Variants in NDRG4 observed in about 807,000 individuals in gnomAD.
The protein encoded by NDRG4 is NDRG family member 4.
Under a neutral mutation model 55.8 loss-of-function variants are expected in NDRG4, and 38 were observed. The observed-to-expected ratio is 0.68, with a 90% CI of 0.53 to 0.89. The LOEUF is 0.89. Among genes scored for constraint, NDRG4 ranks in the 40% least tolerant of loss-of-function variants. The probability of loss-of-function intolerance (pLI) is 0.00; values close to 1 mark genes in which losing one functional copy is unlikely to be tolerated. For missense variants in NDRG4, 455 were observed against 468.6 expected (o/e 0.97, Z 0.27); for synonymous variants, 190 against 182.7 (o/e 1.04, Z -0.32).
rs1200455236 is a variant in NDRG4 at position 58,508,014 on chromosome 16, G to C, written c.729+15G>C. On this transcript the variant is annotated intron_variant, in intron 10 of 14. Transcript: ENST00000570248. Reference sequence around the variant, plus strand: ...AGGACGGGGTGGTAAGTGAGGGGCTGTGGGCTCACTGGGGGTGGGAGGTAG... The same window carrying C: ...AGGACGGGGTGGTAAGTGAGGGGCTCTGGGCTCACTGGGGGTGGGAGGTAG... 7 of 1,543,566 alleles carry C rather than the reference G, an allele frequency of 4.5e-6. No individual in the cohort carries two copies. The highest frequency in any genetic ancestry group is 6.1e-6 in the Non-Finnish European group (7 of 1,139,992).
intron 1 of NDRG4, among the ~76,000 whole-genome samples, chr16:58,503,370 C>G (rs1042474151): frequency 4.6e-5 from 7 of 152,168 alleles, no homozygotes; most frequent in Non-Finnish European, 8.8e-5. Context: ...TCTGAGGATT[C>G]CAGGCAGGAC....
At position 58,464,784 on chromosome 16, in the gene NDRG4, G is replaced by A; in HGVS notation, c.-24+987G>A. The A allele has an allele frequency of 7.8e-7, 1 of 1,282,034 alleles. No homozygotes were observed. Among genetic ancestry groups the A allele is most frequent in the East Asian group, 3.5e-5 (1 of 28,980 alleles). 79.4% of individuals were successfully genotyped at this position (1,282,034 alleles called of 1,614,324 possible). On this transcript the variant is annotated intron_variant, in intron 1 of 15. Coordinates refer to the NDRG4 transcript ENST00000258187. This position sits in a 1 kb window ranked among gnomAD's most constrained non-coding sequence, Gnocchi z 4.8. ...GGGCTCCTGCCCTCCAATCAGTGTCGCTTGTCCCCTAAGAAAGGACCCGTG... is the reference window on the plus strand; with the variant it reads ...GGGCTCCTGCCCTCCAATCAGTGTCACTTGTCCCCTAAGAAAGGACCCGTG...
chr16:58,505,176 A>T (rs61512806), intron 5 of NDRG4, among the ~76,000 whole-genome samples: 170 of 151,900 alleles, frequency 1.1e-3, no homozygotes, highest in Middle Eastern at 3.4e-3. Context: ...GGTGAAACCC[A>T]GTCTCTACTA....
intron 7 of NDRG4, 69 bp from the exon 8 acceptor site, chr16:58,506,843 C>T: frequency 6.9e-7 from 1 of 1,446,544 alleles, no homozygotes; most frequent in Non-Finnish European, 9.6e-7. Context: ...TGACATCTGC[C>T]AGCCCCCTCT....
rs531885551 is a variant in NDRG4 at position 58,484,787 on chromosome 16, T to C, written c.-23-2969T>C. Among the ~76,000 whole-genome samples the C allele has an allele frequency of 2.0e-5, 3 of 152,264 alleles. No homozygotes were observed. The East Asian group carries it at 5.8e-4, about 29-fold the overall frequency. On this transcript the variant is annotated intron_variant, in intron 1 of 15. Transcript: ENST00000258187. ...CCCTGGCGTTCGCCCACCTCTGTGCTACTTAACTCCTTGGAGACCTTAGCC... is the reference window on the plus strand; with the variant it reads ...CCCTGGCGTTCGCCCACCTCTGTGCCACTTAACTCCTTGGAGACCTTAGCC...
At chr16:58,503,081 G>C (rs933207827) in intron 1 of NDRG4, among the ~76,000 whole-genome samples, 2 of 152,250 alleles carry the variant, frequency 1.3e-5, no homozygotes, top group African/African-American at 4.8e-5. Context: ...TCAGTCACAA[G>C]TAAGGGGTAG....
intron 1 of NDRG4, among the ~76,000 whole-genome samples, chr16:58,484,272 A>G (rs1477551825): frequency 6.6e-6 from 1 of 151,674 alleles, no homozygotes; most frequent in Non-Finnish European, 1.5e-5. Context: ...ACTTGGGAGG[A>G]TGAAGCAGGA....
chr16:58,479,084 A>G (rs2034090267), intron 1 of NDRG4, among the ~76,000 whole-genome samples: 1 of 152,106 alleles, frequency 6.6e-6, no homozygotes, highest in South Asian at 2.1e-4. Context: ...GCTGGAGTGC[A>G]ATGGCGTGAT....
At chr16:58,488,444 T>TTCCC (rs577846050) in intron 2 of NDRG4, among the ~76,000 whole-genome samples, 1 of 152,138 alleles carries the variant, frequency 6.6e-6, no homozygotes, top group Non-Finnish European at 1.5e-5. Flanking sequence ...CACCTTCCCT[T>TTCCC]TCCCTCCCTC....
intron 1 of NDRG4, among the ~76,000 whole-genome samples, chr16:58,468,916 C>T (rs992892039): frequency 6.6e-6 from 1 of 152,140 alleles, no homozygotes; most frequent in African/African-American, 2.4e-5. Flanking sequence ...GTTGTTTCTG[C>T]GCATTGGCAC....
At position 58,504,293 on chromosome 16, in the gene NDRG4, C is replaced by G. The variant is rs1423562368; in HGVS notation, c.248+19C>G. 1 of 1,613,934 alleles carries G rather than the reference C, an allele frequency of 6.2e-7. No individual in the cohort carries two copies. The highest frequency in any genetic ancestry group is 8.5e-7 in the Non-Finnish European group (1 of 1,179,994). ...CTCAGGGGTAGGTACCCTGAGCCCCCTCTGCCTGTCTCCAGCTCTGCACCT... is the reference window on the plus strand; with the variant it reads ...CTCAGGGGTAGGTACCCTGAGCCCCGTCTGCCTGTCTCCAGCTCTGCACCT... On this transcript the variant is annotated intron_variant, in intron 3 of 14. Coordinates refer to ENST00000570248, the MANE Select transcript of NDRG4 (RefSeq NM_001242835.2).
downstream of NDRG4, among the ~76,000 whole-genome samples, chr16:58,513,942 A>G (rs1218296058): frequency 1.3e-5 from 2 of 152,172 alleles, no homozygotes; most frequent in Non-Finnish European, 2.9e-5. Context: ...TGGATGACAG[A>G]GCAAGACTCT....
At chr16:58,470,192 CAAA>C (rs761951138) in intron 1 of NDRG4, among the ~76,000 whole-genome samples, 1 of 151,820 alleles carries the variant, frequency 6.6e-6, no homozygotes, top group South Asian at 2.1e-4. Flanking sequence ...TTTTTAAAAA[CAAA>C]AAAATTCTCT....
chr16:58,507,126 G>A, intron 8 of NDRG4, 111 bp downstream of exon 8: 1 of 816,986 alleles, frequency 1.2e-6, no homozygotes, highest in African/African-American at 1.7e-5. Flanking sequence ...TTTGTAGATG[G>A]GCACGATATT....
In NDRG4 at chr16:58,509,500, C is replaced by G. The variant is rs561306442; in HGVS notation, c.865+148C>G. 5 of 798,314 alleles carry G rather than the reference C, an allele frequency of 6.3e-6. No homozygotes were observed. In the East Asian group the frequency reaches 8.0e-5, roughly 13 times the overall value. The allele number at this position is 798,314 out of a possible 1,614,324, so 49.5% of individuals were successfully genotyped here. On this transcript the variant is annotated intron_variant, in intron 13 of 14. Transcript: ENST00000570248. ...ATAGGAGTTTTGTGTGACCTGGGCC[C>G]CGGATGCTGGGCCCCACAGATGCCA...
Position 58,464,400 on chromosome 16 carries a change from C to CA in NDRG4, c.-24+604dup. 1 of 1,369,294 alleles carries CA rather than the reference C, an allele frequency of 7.3e-7. No homozygotes were observed. The highest frequency in any genetic ancestry group is 1.8e-5 in the South Asian group (1 of 56,950). The allele number at this position is 1,369,294 out of a possible 1,614,324, so 84.8% of individuals were successfully genotyped here. A position where few individuals can be genotyped will look rare whatever the true frequency, so the allele number is the denominator to read the frequency against. On this transcript the variant is annotated intron_variant, in intron 1 of 15. Coordinates refer to the NDRG4 transcript ENST00000258187. This position sits in a 1 kb window ranked among gnomAD's most constrained non-coding sequence, Gnocchi z 4.8. ...GCCGAGCGCGCTGCCCCGACGCCGC[C>CA]ACCCAGAGCCGGGCCGCGCCGGGCG...
chr16:58,494,822 A>T, intron 2 of NDRG4: 1 of 622,350 alleles, frequency 1.6e-6, no homozygotes, highest in Non-Finnish European at 2.7e-6. Context: ...ATAGAGTGAG[A>T]CCCTGTCTCT....
intron 1 of NDRG4, chr16:58,501,211 C>T: frequency 2.1e-6 from 1 of 469,404 alleles, no homozygotes; most frequent in Admixed American, 4.4e-5. Flanking sequence ...ACGACGTCAG[C>T]ACCTGCCCGC....
intron 1 of NDRG4, among the ~76,000 whole-genome samples, chr16:58,469,837 A>G (rs1411738167): frequency 1.3e-5 from 2 of 152,232 alleles, no homozygotes; most frequent in African/African-American, 2.4e-5. Flanking sequence ...GGTATGTGCT[A>G]TCATTTCTTC....
Sources: gnomAD v4.1 joint callset for allele counts (sites outside exome capture counted in the v4.1 genomes callset) on GRCh38, gnomAD v4.1.1 for gene constraint, Gnocchi (gnomAD v3.1) non-coding constraint, MANE v1.5 for transcripts, NCBI Gene and HGNC (gene_info 2026-07-23, HGNC 2026-07-21) for gene names.